EXT1: variants seen among roughly 807,000 people sequenced by gnomAD.
The protein encoded by EXT1 is exostosin glycosyltransferase 1.
Under a neutral mutation model 82.5 loss-of-function variants are expected in EXT1, and 20 were observed. The ratio of observed to expected loss-of-function variants is 0.24; its 90% CI spans 0.17 to 0.35. The LOEUF is 0.35. Among genes scored for constraint, EXT1 ranks in the 10% least tolerant of loss-of-function variants. The pLI is 1.00. For synonymous variants in EXT1, 348 were observed against 350.8 expected (o/e 0.99, Z 0.09); for missense variants, 757 against 936.5 (o/e 0.81, Z 2.50).
At chr8:117,956,814 A>T (rs1372329354) in intron 1 of EXT1, among the ~76,000 whole-genome samples, 1 of 152,166 alleles carries the variant, frequency 6.6e-6, no homozygotes, top group Admixed American at 6.5e-5. Flanking sequence ...AACCATGAGC[A>T]TATATTCCTG....
rs73323966 is a variant in EXT1, at chr8:117,969,965, G to A, written c.963-132764C>T. ...GATTAGAAGCAGCCAGCTATGGACC[G>A]GAGGAAGGAGAACTGATTCTAGTGT... On this transcript the variant is annotated intron_variant, in intron 1 of 10. Coordinates refer to ENST00000378204, the MANE Select transcript of EXT1 (RefSeq NM_000127.3). 5.2e-3 allele frequency among the ~76,000 whole-genome samples: 786 copies of A among 152,276 alleles called. 9 individuals carry two copies. Among genetic ancestry groups the A allele is most frequent in the African/African-American group, 0.018 (748 of 41,568 alleles).
At chr8:118,041,538 C>A (rs1175742625) in intron 1 of EXT1, among the ~76,000 whole-genome samples, 1 of 152,120 alleles carries the variant, frequency 6.6e-6, no homozygotes, top group Non-Finnish European at 1.5e-5. Flanking sequence ...GCCCTTAGCA[C>A]AGTGTCTGGC....
chr8:118,021,031 C>T (rs1389478192), intron 1 of EXT1, among the ~76,000 whole-genome samples: 1 of 152,082 alleles, frequency 6.6e-6, no homozygotes, highest in Non-Finnish European at 1.5e-5. Context: ...TATGTAAGAA[C>T]AATATTTATG....
rs540145595 is a variant in EXT1 at position 118,060,892 on chromosome 8, T to TA, written c.962+49192dup. 2.0e-3 allele frequency among the ~76,000 whole-genome samples: 302 copies of TA among 152,284 alleles called. 3 individuals carry two copies. Among genetic ancestry groups the TA allele is most frequent in the African/African-American group, 6.6e-3 (274 of 41,540 alleles). On this transcript the variant is annotated intron_variant, in intron 1 of 10. Coordinates refer to ENST00000378204, the MANE Select transcript of EXT1 (RefSeq NM_000127.3). ...GGAAGACTTATCTGCCTTTTATTAGTAAAAAGACACTGCCTGGTATCACTT... is the reference window on the plus strand; with the variant it reads ...GGAAGACTTATCTGCCTTTTATTAGTAAAAAAGACACTGCCTGGTATCACTT...
intron 1 of EXT1, among the ~76,000 whole-genome samples, chr8:117,989,640 A>G (rs1416397180): frequency 6.6e-6 from 1 of 152,214 alleles, no homozygotes; most frequent in Admixed American, 6.5e-5. Flanking sequence ...ATCTTAGGAC[A>G]GTCACCCACT....
intron 1 of EXT1, among the ~76,000 whole-genome samples, chr8:118,101,633 T>A (rs552572494): frequency 3.3e-5 from 5 of 152,378 alleles, no homozygotes; most frequent in African/African-American, 1.2e-4. Context: ...AGTCTAGGGA[T>A]GTCTGCTCAG....
At chr8:117,945,293 T>C (rs1456018817) in intron 1 of EXT1, among the ~76,000 whole-genome samples, 2 of 152,234 alleles carry the variant, frequency 1.3e-5, no homozygotes, top group Non-Finnish European at 2.9e-5. Context: ...CCCATGCTTG[T>C]AACCCCTGTA....
intron 5 of EXT1, among the ~76,000 whole-genome samples, chr8:117,820,013 A>T (rs1367236724): frequency 6.6e-6 from 1 of 152,110 alleles, no homozygotes; most frequent in African/African-American, 2.4e-5. Context: ...ATCAATGTCC[A>T]CTTCTAGGTT....
chr8:117,990,267 T>C (rs1259957563), intron 1 of EXT1, among the ~76,000 whole-genome samples: 2 of 152,146 alleles, frequency 1.3e-5, no homozygotes, highest in African/African-American at 4.8e-5. Flanking sequence ...ACAGAAGCAA[T>C]TAAGAAAAGG....
chr8:117,842,187 G>C (rs182241124), intron 1 of EXT1, among the ~76,000 whole-genome samples: 1 of 152,234 alleles, frequency 6.6e-6, no homozygotes, highest in African/African-American at 2.4e-5. Flanking sequence ...GCAAAACCTG[G>C]GTTCGAATTC....
In EXT1 at chr8:117,896,573, C is replaced by T. The variant is rs540248575; in HGVS notation, c.963-59372G>A. 1.6e-4 allele frequency among the ~76,000 whole-genome samples: 25 copies of T among 152,260 alleles called. 1 individual carries two copies. The highest frequency in any genetic ancestry group is 4.3e-4 in the African/African-American group (18 of 41,550). ...TGCCAACTCTCACGGCTTACATTAC[C>T]GAGCCATCATCCAGATTAAAAATGG... On this transcript the variant is annotated intron_variant, in intron 1 of 10. Coordinates refer to ENST00000378204, the MANE Select transcript of EXT1 (RefSeq NM_000127.3).
At chr8:118,060,809 C>G (rs1816869692) in intron 1 of EXT1, among the ~76,000 whole-genome samples, 3 of 152,220 alleles carry the variant, frequency 2.0e-5, no homozygotes, top group African/African-American at 4.8e-5. Context: ...GTGTAAAAAT[C>G]ACATCACCAA....
intron 1 of EXT1, among the ~76,000 whole-genome samples, chr8:117,977,900 G>A (rs551432177): frequency 8.5e-5 from 13 of 152,310 alleles, no homozygotes; most frequent in African/African-American, 2.6e-4. Context: ...AAGTCCCTAA[G>A]GGGAGCTACG....
chr8:118,111,273 C>T lies in EXT1; in HGVS notation c.-227G>A. The T allele has an allele frequency of 1.5e-6, 1 of 670,336 alleles. No individual in the cohort carries two copies. The highest frequency in any genetic ancestry group is 1.8e-5 in the South Asian group (1 of 54,822). The allele number at this position is 670,336 out of a possible 1,614,324, so 41.5% of individuals were successfully genotyped here. ...TCTTTCATCTTTGGGTTGCACAATG[C>T]ACGGGAGAGAGCGGGGCTGAATATC... On this transcript the variant is annotated 5_prime_UTR_variant, in exon 1 of 11. Coordinates refer to ENST00000378204, the MANE Select transcript of EXT1 (RefSeq NM_000127.3).
chr8:117,853,270 C>A (rs1812486130), intron 1 of EXT1, among the ~76,000 whole-genome samples: 1 of 152,188 alleles, frequency 6.6e-6, no homozygotes, highest in South Asian at 2.1e-4. Context: ...TGAGGCCGGG[C>A]ATGGTGTCTC....
At chr8:117,834,139 C>A (rs1812146314) in intron 3 of EXT1, among the ~76,000 whole-genome samples, 1 of 152,210 alleles carries the variant, frequency 6.6e-6, no homozygotes, top group African/African-American at 2.4e-5. Context: ...CTATGGAGAT[C>A]ACAAACTGAG....
chr8:117,960,583 T>C (rs1814679809), intron 1 of EXT1, among the ~76,000 whole-genome samples: 1 of 152,230 alleles, frequency 6.6e-6, no homozygotes, highest in African/African-American at 2.4e-5. Context: ...TACATAATTA[T>C]AAGTACCTGG....
At chr8:117,835,837 G>A (rs1812180578) in intron 2 of EXT1, among the ~76,000 whole-genome samples, 2 of 152,142 alleles carry the variant, frequency 1.3e-5, no homozygotes, top group Non-Finnish European at 2.9e-5. Flanking sequence ...AGAGACGACT[G>A]GCCTTGCTGG....
At chr8:117,990,432 A>G (rs761377716) in intron 1 of EXT1, among the ~76,000 whole-genome samples, 1 of 152,230 alleles carries the variant, frequency 6.6e-6, no homozygotes, top group Non-Finnish European at 1.5e-5. Flanking sequence ...AAGCCAACTC[A>G]GCTGAAGCGA....
Sources: gnomAD v4.1 joint callset for allele counts (sites outside exome capture counted in the v4.1 genomes callset) on GRCh38, gnomAD v4.1.1 for gene constraint, MANE v1.5 for transcripts, NCBI Gene and HGNC (gene_info 2026-07-23, HGNC 2026-07-21) for gene names.